TMCO1: variants seen among roughly 807,000 people sequenced by gnomAD.
The protein encoded by TMCO1 is transmembrane and coiled-coil domains 1.
A neutral mutation model predicts 29.3 loss-of-function variants in TMCO1; 29 were observed. The ratio of observed to expected loss-of-function variants is 0.99; its 90% CI spans 0.74 to 1.35. TMCO1 has a LOEUF of 1.35. Among genes scored for constraint, TMCO1 ranks in the 40% most tolerant of loss-of-function variants. TMCO1 has a pLI of 0.00. For synonymous variants in TMCO1, 80 were observed against 77.1 expected, an observed-to-expected ratio of 1.04 and a Z score of -0.20; for missense variants, 173 against 225.5, an observed-to-expected ratio of 0.77 and a Z score of 1.49.
At chr1:165,751,439 C>T (rs1651988714) in intron 5 of TMCO1, among the ~76,000 whole-genome samples, 1 of 151,998 alleles carries the variant, frequency 6.6e-6, no homozygotes, top group African/African-American at 2.4e-5. Flanking sequence ...CGTGGTGGCT[C>T]ACGCCTGTAA....
intron 2 of TMCO1, among the ~76,000 whole-genome samples, chr1:165,766,328 T>C (rs1259621391): frequency 6.6e-6 from 1 of 152,184 alleles, no homozygotes; most frequent in African/African-American, 2.4e-5. Context: ...TATATGAATC[T>C]TGTATTAAGA....
Position 165,743,287 on chromosome 1 carries a change from C to T in TMCO1, c.348G>A (p.Lys116=). The T allele has an allele frequency of 6.2e-7, 1 of 1,611,158 alleles. No homozygotes were observed. Among genetic ancestry groups the T allele is most frequent in the Non-Finnish European group, 8.5e-7 (1 of 1,178,958 alleles). Residue 116 remains lysine (K), a synonymous_variant, in exon 6 of 7, where the codon AAG becomes AAA. Coordinates refer to ENST00000367881, the MANE Select transcript of TMCO1 (RefSeq NM_019026.6). ...NSIFDGRVVA[K]LPFTPLSYIQ... ...TGTAAGAAAGAGGGGTAAAAGGAAG[C>T]TTTGCCACCACTCTACCATCAAATC...
At chr1:165,729,566 T>C (rs1014701818) in intron 6 of TMCO1, among the ~76,000 whole-genome samples, 5 of 152,114 alleles carry the variant, frequency 3.3e-5, no homozygotes, top group Non-Finnish European at 7.4e-5. Flanking sequence ...GTGATCCGCC[T>C]GCCTCAGCCT....
At chr1:165,752,241 G>C in intron 4 of TMCO1, 72 bp from the exon 5 acceptor site, 1 of 1,136,768 alleles carries the variant, frequency 8.8e-7, no homozygotes, top group Non-Finnish European at 1.3e-6. Flanking sequence ...CAAAAGTTTT[G>C]GTTTCATGTC....
In TMCO1 at chr1:165,743,205, T is replaced by C. The variant is rs752363853; in HGVS notation, c.430A>G (p.Ile144Val). 1 of 1,613,344 alleles carries C rather than the reference T, an allele frequency of 6.2e-7. No individual in the cohort carries two copies. The highest frequency in any genetic ancestry group is 8.5e-7 in the Non-Finnish European group (1 of 1,179,948). Residue 144 changes from isoleucine to valine, a missense_variant, in exon 6 of 7, where the codon ATT (isoleucine) becomes GTT (valine). Ile to Val is a conservative substitution (Grantham distance 29). Coordinates refer to ENST00000367881, the MANE Select transcript of TMCO1 (RefSeq NM_019026.6). ...LGDDTTDCSF[I>V]FLYILCTMSI... is the part of the protein sequence containing the mutation. ...ATAGTACAGAGAATATACAGGAAAA[T>C]GAAGGAACAGTCTGTGGTGTCATCT...
downstream of TMCO1, chr1:165,726,038 G>A: frequency 1.5e-6 from 1 of 688,920 alleles, no homozygotes; most frequent in Non-Finnish European, 2.6e-6. Context: ...CAGGGTATGA[G>A]TGATAGAGTG....
intron 5 of TMCO1, 144 bp downstream of exon 5, chr1:165,751,958 G>C (rs1652007264): frequency 1.5e-6 from 1 of 675,928 alleles, no homozygotes; most frequent in African/African-American, 1.8e-5. Flanking sequence ...TGTGAATGTA[G>C]GTAATGGATA....
downstream of TMCO1, chr1:165,724,929 G>A (rs1650789391): frequency 2.2e-6 from 1 of 452,678 alleles, no homozygotes; most frequent in African/African-American, 2.0e-5. Flanking sequence ...AATTAGCTAG[G>A]AGCTGATAAT....
intron 5 of TMCO1, among the ~76,000 whole-genome samples, chr1:165,751,513 G>C (rs1208831817): frequency 6.6e-6 from 1 of 152,082 alleles, no homozygotes; most frequent in East Asian, 1.9e-4. Context: ...AGACCAGCCT[G>C]ACCAACATGG....
At chr1:165,759,617 A>G (rs1448514553) in intron 2 of TMCO1, 33 bp from the exon 3 acceptor site, 2 of 1,548,788 alleles carry the variant, frequency 1.3e-6, no homozygotes, top group African/African-American at 2.7e-5. Flanking sequence ...GTAAAAATTA[A>G]CTGGATTATA....
chr1:165,750,876 C>G (rs1651968478), intron 5 of TMCO1, among the ~76,000 whole-genome samples: 1 of 152,086 alleles, frequency 6.6e-6, no homozygotes, highest in Non-Finnish European at 1.5e-5. Flanking sequence ...TTGAGACCAG[C>G]CTGGCCAACA....
intron 2 of TMCO1, among the ~76,000 whole-genome samples, chr1:165,760,047 T>C (rs560023418): frequency 6.6e-6 from 1 of 152,262 alleles, no homozygotes; most frequent in Admixed American, 6.5e-5. Flanking sequence ...AAGAATAATC[T>C]AGTCAGGGGA....
chr1:165,761,254 G>T (rs545697651), intron 2 of TMCO1, among the ~76,000 whole-genome samples: 1 of 152,190 alleles, frequency 6.6e-6, no homozygotes, highest in South Asian at 2.1e-4. Context: ...TAAGATACAG[G>T]CCAGGCATGG....
intron 6 of TMCO1, among the ~76,000 whole-genome samples, chr1:165,730,492 CTA>C (rs749671372): frequency 1.3e-4 from 20 of 152,296 alleles, no homozygotes; most frequent in Admixed American, 5.2e-4. Context: ...TTCAACAATA[CTA>C]TAGCTCATTC....
chr1:165,757,530 C>T (rs1449599783), intron 3 of TMCO1, among the ~76,000 whole-genome samples: 1 of 152,178 alleles, frequency 6.6e-6, no homozygotes, highest in African/African-American at 2.4e-5. Flanking sequence ...AAGTTTTGCT[C>T]TTGTTGCCCA....
At chr1:165,763,358 GC>G (rs1558043154) in intron 2 of TMCO1, among the ~76,000 whole-genome samples, 1 of 152,048 alleles carries the variant, frequency 6.6e-6, no homozygotes, top group East Asian at 1.9e-4. Flanking sequence ...AGAATTTGTG[GC>G]CGCTCATTTC....
intron 5 of TMCO1, among the ~76,000 whole-genome samples, chr1:165,750,376 CT>C (rs1259441651): frequency 6.6e-6 from 1 of 151,638 alleles, no homozygotes; most frequent in African/African-American, 2.4e-5. Flanking sequence ...CCCATCTCTA[CT>C]AAAAATACAA....
intron 3 of TMCO1, among the ~76,000 whole-genome samples, chr1:165,758,280 G>A (rs190923311): frequency 2.0e-5 from 3 of 152,148 alleles, no homozygotes; most frequent in East Asian, 3.9e-4. Flanking sequence ...ACTCTTGGCC[G>A]GCATAGTGGC....
intron 3 of TMCO1, among the ~76,000 whole-genome samples, chr1:165,756,719 G>T (rs1033888403): frequency 1.3e-5 from 2 of 151,854 alleles, no homozygotes; most frequent in Admixed American, 6.6e-5. Flanking sequence ...TGCTTCTCCG[G>T]AACACTGAAT....
Sources: gnomAD v4.1 joint callset for allele counts (sites outside exome capture counted in the v4.1 genomes callset) on GRCh38, gnomAD v4.1.1 for gene constraint, MANE v1.5 for transcripts, NCBI Gene and HGNC (gene_info 2026-07-23, HGNC 2026-07-21) for gene names.